The following CUBN variants were observed in gnomAD, a reference collection of about 807,000 sequenced individuals.
The protein encoded by CUBN is cubilin.
Under a neutral mutation model 405.3 loss-of-function variants are expected in CUBN, and 282 were observed. The observed-to-expected ratio is 0.70, with a 90% CI of 0.63 to 0.77. The LOEUF is 0.77. Ranked by LOEUF, CUBN falls within the 30% of genes least tolerant of loss-of-function variation. CUBN has a pLI of 0.00. For missense variants in CUBN, 4,514 were observed against 4,475.2 expected (o/e 1.01, Z -0.25); for synonymous variants, 1,684 against 1,617.0 (o/e 1.04, Z -0.99).
intron 31 of CUBN, among the ~76,000 whole-genome samples, chr10:16,977,300 A>G (rs1198874030): frequency 6.6e-6 from 1 of 152,094 alleles, no homozygotes; most frequent in African/African-American, 2.4e-5. Flanking sequence ...ACACCCCCTT[A>G]TCCTGTATTC....
intron 48 of CUBN, among the ~76,000 whole-genome samples, chr10:16,913,110 T>C (rs1841778943): frequency 6.6e-6 from 1 of 152,146 alleles, no homozygotes; most frequent in Non-Finnish European, 1.5e-5. Flanking sequence ...GATTCCAAAA[T>C]AGACATCAAG....
chr10:17,057,958 T>C (rs911885975), intron 22 of CUBN, among the ~76,000 whole-genome samples: 3 of 151,896 alleles, frequency 2.0e-5, no homozygotes, highest in Non-Finnish European at 2.9e-5. Context: ...CTGTCTCTAC[T>C]AAAAATACAA....
At chr10:16,832,245 C>T (rs1004984019) in intron 64 of CUBN, among the ~76,000 whole-genome samples, 2 of 152,194 alleles carry the variant, frequency 1.3e-5, no homozygotes, top group Admixed American at 1.3e-4. Context: ...ATGTTGGAAC[C>T]AGCCTGACAT....
At position 16,982,483 on chromosome 10, in the gene CUBN, C is replaced by A. The variant is rs747935252; in HGVS notation, c.4695+1G>T. The stretch of plus-strand genomic sequence containing the variant: ...CAATGCTTGAAATTTATGTCACTTA[C>A]CATAATACAAGAGTCTTGTGGTTCA... On this transcript the variant is annotated splice_donor_variant, in intron 31 of 66. Transcript: ENST00000377833. LOFTEE classifies it high-confidence loss of function. 7 of 1,612,032 alleles carry A rather than the reference C, an allele frequency of 4.3e-6. No individual in the cohort carries two copies. In the East Asian group the frequency reaches 6.7e-5, roughly 15 times the overall value.
chr10:17,031,295 A>T (rs549338724), intron 27 of CUBN, among the ~76,000 whole-genome samples: 1 of 152,336 alleles, frequency 6.6e-6, no homozygotes, highest in African/African-American at 2.4e-5. Flanking sequence ...CCTTACTGAG[A>T]TGTTTCTCTT....
rs184282429 is a variant in CUBN at position 16,876,760 on chromosome 10, T to C, written c.9106+137A>G. ...AATGTGTATATGTATTTTTTAACCA[T>C]GAACCTCACTGACAATCTTTTTCCC... On this transcript the variant is annotated intron_variant, in intron 57 of 66. Coordinates refer to ENST00000377833, the MANE Select transcript of CUBN (RefSeq NM_001081.4). 18 of 802,834 alleles carry C rather than the reference T, an allele frequency of 2.2e-5. No homozygotes were observed. In the East Asian group the frequency reaches 4.8e-4, roughly 21 times the overall value. The allele number at this position is 802,834 out of a possible 1,614,324, so 49.7% of individuals were successfully genotyped here. A position where few individuals can be genotyped will look rare whatever the true frequency, so the allele number is the denominator to read the frequency against.
At chr10:16,875,034 C>A (rs1253625230) in intron 57 of CUBN, among the ~76,000 whole-genome samples, 1 of 152,010 alleles carries the variant, frequency 6.6e-6, no homozygotes, top group African/African-American at 2.4e-5. Context: ...CTTCTGTGGG[C>A]TCAAATGTAT....
chr10:16,933,405 C>T lies in CUBN; in HGVS notation c.5927-121G>A, dbSNP rs1409950083. ...GAAGCAACCAATTGAAACAATTTCT[C>T]AGAGAAATCAATGAATATCGTATGT... On this transcript the variant is annotated intron_variant, in intron 39 of 66. Coordinates refer to ENST00000377833, the MANE Select transcript of CUBN (RefSeq NM_001081.4). 3 of 846,734 alleles carry T rather than the reference C, an allele frequency of 3.5e-6. No homozygotes were observed. The East Asian group carries it at 7.9e-5, about 22-fold the overall frequency. 52.5% of individuals were successfully genotyped at this position (846,734 alleles called of 1,614,324 possible).
At position 17,068,719 on chromosome 10, in the gene CUBN, T is replaced by G. The variant is rs188342700; in HGVS notation, c.2677A>C (p.Thr893Pro). ...GATGTTATAAATGAAGGTATGTCTG[T>G]ACCGCAATACTTTTTATTTTCAGGA... ...GSPENKKYCG[T>P]DIPSFITSVY... Residue 893 changes from threonine (T) to proline (P), a missense_variant, in exon 20 of 67, where the codon ACA (threonine) becomes CCA (proline). Physicochemically the swap from Thr to Pro is conservative, Grantham distance 38 (BLOSUM62 -1). Around this residue, in one of 5 missense-constraint regions of CUBN, gnomAD observed 1,448 missense variants for 1,388.0 expected, o/e 1.04. Coordinates refer to ENST00000377833, the MANE Select transcript of CUBN (RefSeq NM_001081.4). 3 of 1,612,584 alleles carry G rather than the reference T, an allele frequency of 1.9e-6. No homozygotes were observed. Among genetic ancestry groups the G allele is most frequent in the Non-Finnish European group, 2.5e-6 (3 of 1,178,802 alleles).
chr10:16,991,245 T>C (rs1833578533), intron 28 of CUBN, among the ~76,000 whole-genome samples: 1 of 152,238 alleles, frequency 6.6e-6, no homozygotes, highest in Non-Finnish European at 1.5e-5. Flanking sequence ...AGTCCTCATA[T>C]GGGCTTTCCA....
At chr10:16,913,241 A>G (rs1222222248) in intron 48 of CUBN, among the ~76,000 whole-genome samples, 1 of 152,246 alleles carries the variant, frequency 6.6e-6, no homozygotes, top group East Asian at 1.9e-4. Flanking sequence ...CTACACACAC[A>G]TATGTGTGCA....
At chr10:16,977,076 T>C (rs1833121603) in intron 31 of CUBN, among the ~76,000 whole-genome samples, 1 of 152,202 alleles carries the variant, frequency 6.6e-6, no homozygotes, top group African/African-American at 2.4e-5. Context: ...TATTGTCTCT[T>C]ACTCATATTA....
chr10:16,870,674 G>GT (rs1280299275), intron 58 of CUBN, among the ~76,000 whole-genome samples: 4 of 152,206 alleles, frequency 2.6e-5, no homozygotes, highest in African/African-American at 4.8e-5. Flanking sequence ...ATCAGCCTGG[G>GT]TTGTTGGATG....
chr10:17,085,733 G>T lies in CUBN; in HGVS notation c.1974C>A (p.Asp658Glu), dbSNP rs144862515. 119 of 1,614,014 alleles carry T rather than the reference G, an allele frequency of 7.4e-5. No individual in the cohort carries two copies. The highest frequency in any genetic ancestry group is 9.7e-5 in the Non-Finnish European group (114 of 1,179,954). Residue 658 changes from aspartate to glutamate, a missense_variant, in exon 16 of 67, where the codon GAC (aspartate) becomes GAA (glutamate). Transcript: ENST00000377833. ...LEIRDGPLYQ[D>E]PLLGKFCTTF... ...TGGTGCAGAACTTCCCAAGAAGGGG[G>T]TCCTGATACAAAGGACCATCTCGAA...
rs1554781417 is a variant in CUBN, at chr10:16,846,826, G to GA, written c.9663+4408dup. 2.6e-4 allele frequency among the ~76,000 whole-genome samples: 37 copies of GA among 141,992 alleles called. 2 individuals carry two copies. The highest frequency in any genetic ancestry group is 2.3e-3 in the Admixed American group (32 of 14,012). 93.2% of individuals were successfully genotyped at this position (141,992 alleles called of 152,430 possible). A position where few individuals can be genotyped will look rare whatever the true frequency, so the allele number is the denominator to read the frequency against. ...AAACTCTGTCTCAAAAAAAAAAAAA[G>GA]AAAAGAAAAAGAAAAAGAAAAGGGG... On this transcript the variant is annotated intron_variant, in intron 60 of 66. Coordinates refer to ENST00000377833, the MANE Select transcript of CUBN (RefSeq NM_001081.4).
intron 31 of CUBN, among the ~76,000 whole-genome samples, chr10:16,956,326 AAT>A (rs377273572): frequency 2.5e-4 from 38 of 150,512 alleles, no homozygotes; most frequent in Non-Finnish European, 4.3e-4. Flanking sequence ...TCAAAATTTA[AAT>A]ATATATATAT....
chr10:16,896,669 G>T (rs963011544), intron 54 of CUBN, among the ~76,000 whole-genome samples: 6 of 152,118 alleles, frequency 3.9e-5, no homozygotes, highest in African/African-American at 1.4e-4. Context: ...CTTGGTTTAG[G>T]TTCACTCAGC....
At chr10:17,008,068 A>G (rs1036842138) in intron 28 of CUBN, among the ~76,000 whole-genome samples, 3 of 152,082 alleles carry the variant, frequency 2.0e-5, no homozygotes, top group Admixed American at 6.6e-5. Flanking sequence ...TGGGAGGATC[A>G]CCTTATCAAA....
In CUBN at chr10:16,913,939, G is replaced by A; in HGVS notation, c.7405C>T (p.Pro2469Ser). The change falls in exon 48 of 67, where the codon CCG (proline) becomes TCG (serine). Residue 2469 changes from proline (P) to serine (S), a missense_variant. Pro to Ser is a moderately conservative substitution (Grantham distance 74). Transcript: ENST00000377833. ...ATCCGGCCATGAGGATTTGGGTTCGGGTAGTTGGGAGAAGTAAATGTTCCA... is the reference window on the plus strand; with the variant it reads ...ATCCGGCCATGAGGATTTGGGTTCGAGTAGTTGGGAGAAGTAAATGTTCCA... ...SIGTFTSPNY[P>S]NPNPHGRICE... The A allele has an allele frequency of 6.2e-7, 1 of 1,614,080 alleles. No homozygotes were observed. Among genetic ancestry groups the A allele is most frequent in the Non-Finnish European group, 8.5e-7 (1 of 1,180,016 alleles).
Sources: gnomAD v4.1 joint callset for allele counts (sites outside exome capture counted in the v4.1 genomes callset) on GRCh38, gnomAD v4.1.1 for gene constraint, gnomAD v4.1.1 regional missense constraint, MANE v1.5 for transcripts, NCBI Gene and HGNC (gene_info 2026-07-23, HGNC 2026-07-21) for gene names.